The following ADCY3 variants were observed in gnomAD, a reference collection of about 807,000 sequenced individuals.
The protein encoded by ADCY3 is adenylate cyclase type 3.
ADCY3 carries 70 observed loss-of-function variants against 119.4 expected under a neutral mutation model. The ratio of observed to expected loss-of-function variants is 0.59; its 90% confidence interval spans 0.48 to 0.72. The LOEUF is 0.72. ADCY3 is among the 30% of genes least tolerant of loss of function. The probability of loss-of-function intolerance (pLI) is 0.00; values close to 1 mark genes in which losing one functional copy is unlikely to be tolerated. For synonymous variants in ADCY3, 672 were observed against 621.4 expected (o/e 1.08, Z -1.21); for missense variants, 1,238 against 1,541.6 (o/e 0.80, Z 3.30).
At chr2:24,831,163 A>G (rs1387854039) in intron 12 of ADCY3, among the ~76,000 whole-genome samples, 1 of 152,050 alleles carries the variant, frequency 6.6e-6, no homozygotes, top group Non-Finnish European at 1.5e-5. Context: ...TCCTGGCTCC[A>G]AGTGACCTGG....
chr2:24,830,752 A>G lies in ADCY3; in HGVS notation c.2129T>C (p.Met710Thr), dbSNP rs1192964053. Residue 710 changes from methionine (M) to threonine (T), a missense_variant, in exon 13 of 22, where the codon ATG (methionine) becomes ACG (threonine). Transcript: ENST00000679454. Reference protein sequence around the residue: ...RTRWARNTWAMLAIFILVMAN... With the variant: ...RTRWARNTWATLAIFILVMAN... Reference sequence around the variant, plus strand: ...CATCACCAGGATGAAGATGGCGAGCATGGCCCAGGTGTTCCTGGCCCAGCG... The same window carrying G: ...CATCACCAGGATGAAGATGGCGAGCGTGGCCCAGGTGTTCCTGGCCCAGCG... 2.5e-6 allele frequency: 4 copies of G among 1,614,002 alleles called. No homozygotes were observed. Among genetic ancestry groups the G allele is most frequent in the Non-Finnish European group, 3.4e-6 (4 of 1,180,020 alleles).
rs529044424 is a variant in ADCY3 at position 24,882,827 on chromosome 2, C to A, written c.676-10108G>T. On this transcript the variant is annotated intron_variant, in intron 2 of 21. Transcript: ENST00000679454. ...ATTCCAGCACTTTGGGAGGCCGAGGCGGGTGGATCGCCTGAGGTCAGGAGT... is the reference window on the plus strand; with the variant it reads ...ATTCCAGCACTTTGGGAGGCCGAGGAGGGTGGATCGCCTGAGGTCAGGAGT... Among the ~76,000 whole-genome samples, 4 of 152,278 alleles carry A rather than the reference C, an allele frequency of 2.6e-5. No individual in the cohort carries two copies. The East Asian group carries it at 7.7e-4, about 29-fold the overall frequency.
chr2:24,822,373 T>C (rs1177251814), intron 19 of ADCY3, 138 bp downstream of exon 19: 3 of 1,230,836 alleles, frequency 2.4e-6, no homozygotes, highest in African/African-American at 3.0e-5. Flanking sequence ...ATTTCTTATT[T>C]ATATTTACGT....
intron 3 of ADCY3, among the ~76,000 whole-genome samples, chr2:24,852,826 G>A (rs949890896): frequency 2.0e-5 from 3 of 152,228 alleles, no homozygotes; most frequent in Non-Finnish European, 2.9e-5. Flanking sequence ...TGGTTCAGCC[G>A]AGCCCATCCC....
At chr2:24,840,618 G>A (rs777205435) in intron 6 of ADCY3, 19 of 444,470 alleles carry the variant, frequency 4.3e-5, no homozygotes, top group African/African-American at 1.0e-4. Flanking sequence ...GAGGGGCCTC[G>A]GCAGGAGCTT....
At chr2:24,820,209 C>A in intron 21 of ADCY3, 95 bp from the exon 22 acceptor site, 1 of 1,253,810 alleles carries the variant, frequency 8.0e-7, no homozygotes, top group Non-Finnish European at 1.1e-6. Context: ...GAGCACTGAT[C>A]CATGGGTCCC....
chr2:24,874,813 A>G (rs1443750417), intron 2 of ADCY3, among the ~76,000 whole-genome samples: 1 of 152,198 alleles, frequency 6.6e-6, no homozygotes, highest in Non-Finnish European at 1.5e-5. Context: ...ATGTCCCCAT[A>G]TTGTATGTAC....
chr2:24,836,806 G>A (rs942772337), intron 9 of ADCY3, 111 bp downstream of exon 9: 3 of 1,464,822 alleles, frequency 2.0e-6, no homozygotes, highest in Non-Finnish European at 2.7e-6. Context: ...CAGGTCCTGG[G>A]TGGTGGCCAG....
intron 18 of ADCY3, 58 bp from the exon 19 acceptor site, chr2:24,822,688 C>G (rs1385518235): frequency 2.5e-6 from 4 of 1,596,490 alleles, no homozygotes; most frequent in Admixed American, 3.4e-5. Flanking sequence ...ATGACCCAAC[C>G]CAGTGACAGA....
At chr2:24,825,261 G>C (rs1009176134) in intron 16 of ADCY3, among the ~76,000 whole-genome samples, 1 of 150,546 alleles carries the variant, frequency 6.6e-6, no homozygotes, top group African/African-American at 2.5e-5. Context: ...TGGGCCCTAA[G>C]TACAGAGGAT....
rs780327182 is a variant in ADCY3 at position 24,824,471 on chromosome 2, G to A, written c.2643C>T (p.Val881=). The A allele has an allele frequency of 8.7e-6, 14 of 1,614,158 alleles. No homozygotes were observed. Among genetic ancestry groups the A allele is most frequent in the Non-Finnish European group, 1.2e-5 (14 of 1,180,062 alleles). ...CCTCGTTCCAGCGTCGCATCTCATA[G>A]ACACGTTCCTTCTGGTCGTGGACCT... ...KIEVHDQKER[V]YEMRRWNEAL... Residue 881 remains valine, a synonymous_variant, in exon 17 of 22, where the codon GTC becomes GTT. Coordinates refer to ENST00000679454, the MANE Select transcript of ADCY3 (RefSeq NM_004036.5).
chr2:24,841,110 C>A lies in ADCY3; in HGVS notation c.1196+149G>T. 3 of 936,566 alleles carry A rather than the reference C, an allele frequency of 3.2e-6. No homozygotes were observed. Among genetic ancestry groups the A allele is most frequent in the Non-Finnish European group, 4.5e-6 (3 of 659,424 alleles). 58.0% of individuals were successfully genotyped at this position (936,566 alleles called of 1,614,324 possible). ...CAGCTTCTAGAGCGGGAGCCTGCGC[C>A]ACCCATCAACCAGTGCTGTGTCCCA... On this transcript the variant is annotated intron_variant, in intron 6 of 21. Coordinates refer to ENST00000679454, the MANE Select transcript of ADCY3 (RefSeq NM_004036.5). This position sits in a 1 kb window ranked among gnomAD's most constrained non-coding sequence, Gnocchi z 5.8.
intron 2 of ADCY3, among the ~76,000 whole-genome samples, chr2:24,902,084 T>TG (rs1678981759): frequency 1.4e-5 from 2 of 145,392 alleles, no homozygotes. Flanking sequence ...GTATTTGGTT[T>TG]TTTTTTTTTT....
intron 16 of ADCY3, 26 bp downstream of exon 16, chr2:24,826,019 G>A: frequency 1.2e-6 from 2 of 1,609,546 alleles, no homozygotes; most frequent in Non-Finnish European, 1.7e-6. Flanking sequence ...TGGGCACAGA[G>A]CGGGGATCGT....
At position 24,919,168 on chromosome 2, in the gene ADCY3, G is replaced by A. The variant is rs922220000; in HGVS notation, c.-181C>T. The A allele has an allele frequency of 1.6e-6, 1 of 617,608 alleles. No individual in the cohort carries two copies. The highest frequency in any genetic ancestry group is 2.8e-5 in the East Asian group (1 of 36,110). The allele number at this position is 617,608 out of a possible 1,614,324, so 38.3% of individuals were successfully genotyped here. A position where few individuals can be genotyped will look rare whatever the true frequency, so the allele number is the denominator to read the frequency against. ...AGAGCGGGTTTCCAGAGCACAGGTA[G>A]CACTGATCAGCTAGAACTGAAAAGG... is the stretch of plus-strand genomic sequence containing the variant. On this transcript the variant is annotated 5_prime_UTR_variant, in exon 2 of 22. Coordinates refer to ENST00000679454, the MANE Select transcript of ADCY3 (RefSeq NM_004036.5). The surrounding 1 kb of genome is among the most constrained non-coding windows in gnomAD (Gnocchi z 5.5).
intron 3 of ADCY3, among the ~76,000 whole-genome samples, chr2:24,853,527 T>C (rs1390251992): frequency 6.9e-6 from 1 of 144,578 alleles, no homozygotes; most frequent in Non-Finnish European, 1.5e-5. Flanking sequence ...TGGAGTGCAA[T>C]GGTGCGACCT....
chr2:24,860,819 C>T (rs372354637), intron 3 of ADCY3, among the ~76,000 whole-genome samples: 20 of 152,088 alleles, frequency 1.3e-4, no homozygotes, highest in African/African-American at 4.1e-4. Context: ...AGAGAGAGAG[C>T]GGGCTCAGGT....
intron 2 of ADCY3, among the ~76,000 whole-genome samples, chr2:24,887,095 T>C (rs1677114582): frequency 6.6e-6 from 1 of 152,196 alleles, no homozygotes; most frequent in Non-Finnish European, 1.5e-5. Context: ...TGACTCACAG[T>C]TCAGCATGGC....
chr2:24,823,474 C>T, intron 17 of ADCY3, 119 bp from the exon 18 acceptor site: 3 of 1,007,016 alleles, frequency 3.0e-6, no homozygotes, highest in Non-Finnish European at 2.8e-6. Context: ...ACTCACACAT[C>T]AGTCAGATTA....
Sources: allele counts gnomAD v4.1 joint callset (sites outside exome capture counted in the v4.1 genomes callset), GRCh38; gene constraint gnomAD v4.1.1; non-coding constraint Gnocchi (gnomAD v3.1); transcripts MANE v1.5; gene names NCBI Gene and HGNC (gene_info 2026-07-23, HGNC 2026-07-21).